Variants in ATP13A3 observed in about 807,000 individuals in gnomAD.
The protein encoded by ATP13A3 is polyamine-transporting ATPase 13A3.
In ATP13A3, 59 loss-of-function variants were observed where a neutral mutation model predicts 158.1. That is an observed-to-expected ratio of 0.37 (90% confidence interval 0.30 to 0.46). The LOEUF is 0.46. ATP13A3 is among the 20% of genes least tolerant of loss of function. The pLI is 1.00. For synonymous variants in ATP13A3, 491 were observed against 504.3 expected (o/e 0.97, Z 0.35); for missense variants, 1,166 against 1,525.2 (o/e 0.76, Z 3.92).
intron 2 of ATP13A3, among the ~76,000 whole-genome samples, chr3:194,470,360 T>G (rs1720248303): frequency 6.6e-6 from 1 of 152,212 alleles, no homozygotes; most frequent in Non-Finnish European, 1.5e-5. Context: ...CATAATTACC[T>G]GTATTAGGAT....
At chr3:194,421,510 G>A (rs565001244) in intron 30 of ATP13A3, among the ~76,000 whole-genome samples, 1 of 138,928 alleles carries the variant, frequency 7.2e-6, no homozygotes, top group Non-Finnish European at 1.5e-5. Context: ...CAGAGATCAC[G>A]CCACTCCACT....
At chr3:194,464,334 G>A (rs1214673637) in intron 2 of ATP13A3, among the ~76,000 whole-genome samples, 1 of 152,104 alleles carries the variant, frequency 6.6e-6, no homozygotes. Flanking sequence ...ACACACTATC[G>A]GGTCCGACTT....
rs1553796405 is a variant in ATP13A3 at position 194,421,159 on chromosome 3, A to ATATAC, written c.3314-1193_3314-1192insGTATA. On this transcript the variant is annotated intron_variant, in intron 30 of 33. Transcript: ENST00000645319. ...ATAGTATATATATATATATATATAT[A>ATATAC]TATATATATAGTTTTAGTAGCTTAG... is the stretch of plus-strand genomic sequence containing the variant. Among the ~76,000 whole-genome samples, 43 of 49,360 alleles carry ATATAC rather than the reference A, an allele frequency of 8.7e-4. 1 individual carries two copies. The highest frequency in any genetic ancestry group is 2.2e-3 in the South Asian group (3 of 1,394). 32.4% of individuals were successfully genotyped at this position (49,360 alleles called of 152,430 possible).
At position 194,455,877 on chromosome 3, in the gene ATP13A3, C is replaced by T. The variant is rs1203986058; in HGVS notation, c.630+16G>A. On this transcript the variant is annotated intron_variant, in intron 8 of 33. Coordinates refer to ENST00000645319, the MANE Select transcript of ATP13A3 (RefSeq NM_001367549.1). ...TTGATCATGACTGTTAAGTTATATA[C>T]AATCAATAGTCTTACCTCTTTAATT... is the stretch of plus-strand genomic sequence containing the variant. The T allele has an allele frequency of 2.1e-6, 3 of 1,424,376 alleles. No homozygotes were observed. The highest frequency in any genetic ancestry group is 1.5e-5 in the African/African-American group (1 of 68,888). 88.2% of individuals were successfully genotyped at this position (1,424,376 alleles called of 1,614,324 possible).
chr3:194,433,283 C>A (rs1020113895), intron 21 of ATP13A3, among the ~76,000 whole-genome samples: 2 of 141,270 alleles, frequency 1.4e-5, no homozygotes, highest in African/African-American at 5.3e-5. Flanking sequence ...GTCGCCCAGG[C>A]CGGACTGCGG....
intron 8 of ATP13A3, among the ~76,000 whole-genome samples, chr3:194,455,617 T>G (rs181958395): frequency 6.6e-6 from 1 of 152,268 alleles, no homozygotes. Flanking sequence ...TACAACTAAT[T>G]CTTGAGCTTT....
intron 6 of ATP13A3, chr3:194,459,233 T>G (rs1250367182): frequency 2.2e-5 from 10 of 462,114 alleles, no homozygotes; most frequent in South Asian, 4.8e-5. Context: ...CAGTAGACTT[T>G]GGCATCATAC....
intron 9 of ATP13A3, among the ~76,000 whole-genome samples, 190 bp from the exon 10 acceptor site, chr3:194,453,968 G>C (rs551691071): frequency 1.6e-4 from 24 of 152,246 alleles, no homozygotes; most frequent in Non-Finnish European, 2.8e-4. Flanking sequence ...TAACAGGATA[G>C]CCCTGAAAAC....
Position 194,433,875 on chromosome 3 carries a change from C to G in ATP13A3, c.2142G>C (p.Met714Ile). ...NISRDAIENN[M>I]DFMGLIIMQN... ...GCATTATAATTAATCCCATAAAATC[C>G]ATGTTGTTCTCAATTGCATCTCTGC... Residue 714 changes from methionine (M) to isoleucine (I), a missense_variant, in exon 21 of 34, where the codon ATG (methionine) becomes ATC (isoleucine). Around this residue, in one of 3 missense-constraint regions of ATP13A3, gnomAD observed 997 missense variants for 1,341.2 expected, o/e 0.74. Coordinates refer to ENST00000645319, the MANE Select transcript of ATP13A3 (RefSeq NM_001367549.1). The G allele has an allele frequency of 6.2e-7, 1 of 1,613,828 alleles. No individual in the cohort carries two copies. The highest frequency in any genetic ancestry group is 8.5e-7 in the Non-Finnish European group (1 of 1,179,792).
chr3:194,439,154 T>C (rs551795354), intron 16 of ATP13A3, among the ~76,000 whole-genome samples, 182 bp from the exon 17 acceptor site: 2 of 152,154 alleles, frequency 1.3e-5, no homozygotes, highest in South Asian at 2.1e-4. Flanking sequence ...AAAGAAAATA[T>C]GAACAAAGAT....
chr3:194,445,340 A>G (rs570749449), intron 14 of ATP13A3, among the ~76,000 whole-genome samples: 2 of 152,348 alleles, frequency 1.3e-5, no homozygotes, highest in East Asian at 3.9e-4. Context: ...ACTAGTAAAA[A>G]TTAGAGATAT....
At chr3:194,411,834 T>C (rs1239160725) in intron 33 of ATP13A3, among the ~76,000 whole-genome samples, 1 of 152,204 alleles carries the variant, frequency 6.6e-6, no homozygotes, top group Non-Finnish European at 1.5e-5. Flanking sequence ...CTCATTTAGC[T>C]TCTAAGGGGA....
At chr3:194,459,745 C>T (rs770342038) in intron 5 of ATP13A3, 44 bp downstream of exon 5, 1 of 1,553,900 alleles carries the variant, frequency 6.4e-7, no homozygotes, top group African/African-American at 1.4e-5. Flanking sequence ...TAAAATGTAA[C>T]AATTCTGATT....
intron 14 of ATP13A3, among the ~76,000 whole-genome samples, chr3:194,445,399 G>T (rs1294097596): frequency 6.6e-6 from 1 of 152,212 alleles, no homozygotes; most frequent in East Asian, 1.9e-4. Context: ...TGCTAATTCT[G>T]TTAAATGTGA....
intron 9 of ATP13A3, 168 bp from the exon 10 acceptor site, chr3:194,453,946 C>G: frequency 3.1e-6 from 2 of 650,126 alleles, no homozygotes; most frequent in Non-Finnish European, 5.3e-6. Context: ...CAAGACAAAA[C>G]AAGAAGCACT....
chr3:194,449,480 G>A (rs1021923534), intron 11 of ATP13A3, among the ~76,000 whole-genome samples: 5 of 152,116 alleles, frequency 3.3e-5, no homozygotes, highest in Admixed American at 2.6e-4. Context: ...AGGAGTTCAC[G>A]ACCAGCCTGG....
chr3:194,476,749 C>T (rs527861506), intron 2 of ATP13A3, among the ~76,000 whole-genome samples: 2 of 150,044 alleles, frequency 1.3e-5, no homozygotes, highest in East Asian at 3.9e-4. Flanking sequence ...AAAAGAGTAC[C>T]TTCAAAGTAA....
intron 13 of ATP13A3, 143 bp from the exon 14 acceptor site, chr3:194,447,258 A>C (rs952346088): frequency 6.1e-6 from 4 of 651,902 alleles, no homozygotes; most frequent in Non-Finnish European, 1.0e-5. Context: ...ATATCTATTA[A>C]CCATATATAA....
intron 29 of ATP13A3, among the ~76,000 whole-genome samples, chr3:194,426,573 C>G (rs1475671545): frequency 6.6e-6 from 1 of 152,188 alleles, no homozygotes; most frequent in Non-Finnish European, 1.5e-5. Context: ...AATTAAGAAA[C>G]TGATCTAAGA....
Sources: gnomAD v4.1 joint callset for allele counts (sites outside exome capture counted in the v4.1 genomes callset) on GRCh38, gnomAD v4.1.1 for gene constraint, gnomAD v4.1.1 regional missense constraint, MANE v1.5 for transcripts, NCBI Gene and HGNC (gene_info 2026-07-23, HGNC 2026-07-21) for gene names.